The following DENND1A variants were observed in gnomAD, a reference collection of about 807,000 sequenced individuals.
DENND1A encodes DENN domain containing 1A, also known as DENN domain-containing protein 1A.
Under a neutral mutation model 113.7 loss-of-function variants are expected in DENND1A, and 51 were observed. The ratio of observed to expected loss-of-function variants is 0.45; its 90% CI spans 0.36 to 0.57. The LOEUF is 0.57. Among genes scored for constraint, DENND1A ranks in the 20% least tolerant of loss-of-function variants. DENND1A has a pLI of 0.00. For synonymous variants in DENND1A, 565 were observed against 570.8 expected (o/e 0.99, Z 0.14); for missense variants, 1,258 against 1,395.9 (o/e 0.90, Z 1.57).
At chr9:123,690,358 G>C (rs1048290988) in intron 5 of DENND1A, among the ~76,000 whole-genome samples, 4 of 151,564 alleles carry the variant, frequency 2.6e-5, no homozygotes, top group Admixed American at 2.0e-4. Flanking sequence ...TAAAATTTAA[G>C]AAAAAAAAGT....
intron 18 of DENND1A, among the ~76,000 whole-genome samples, chr9:123,445,119 TGAG>T (rs983544251): frequency 6.6e-6 from 1 of 152,204 alleles, no homozygotes; most frequent in Non-Finnish European, 1.5e-5. Context: ...TCCAGCCCTC[TGAG>T]AAGAAGGCAG....
intron 12 of DENND1A, among the ~76,000 whole-genome samples, chr9:123,568,401 G>A (rs1215881791): frequency 6.6e-6 from 1 of 152,168 alleles, no homozygotes; most frequent in Non-Finnish European, 1.5e-5. Context: ...ACAGTGCCTG[G>A]CACACTGTAG....
chr9:123,871,443 T>G (rs1846598881), intron 2 of DENND1A, among the ~76,000 whole-genome samples: 1 of 152,214 alleles, frequency 6.6e-6, no homozygotes, highest in Non-Finnish European at 1.5e-5. Context: ...GTATCCATTG[T>G]GATCACAGAT....
chr9:123,754,132 G>C (rs760167510), intron 5 of DENND1A, among the ~76,000 whole-genome samples: 9 of 152,194 alleles, frequency 5.9e-5, no homozygotes, highest in Non-Finnish European at 1.2e-4. Flanking sequence ...TGTGAAGGGT[G>C]ATTGGACCTC....
At chr9:123,838,066 C>A (rs1841300815) in intron 2 of DENND1A, among the ~76,000 whole-genome samples, 1 of 152,158 alleles carries the variant, frequency 6.6e-6, no homozygotes, top group East Asian at 1.9e-4. Flanking sequence ...TGATGCAAAA[C>A]CTTGTTCCAA....
intron 8 of DENND1A, among the ~76,000 whole-genome samples, chr9:123,665,945 C>G (rs183501801): frequency 2.0e-5 from 3 of 152,274 alleles, no homozygotes; most frequent in Admixed American, 2.0e-4. Context: ...AGTGAAATAA[C>G]TCAGAACAAA....
intron 1 of DENND1A, among the ~76,000 whole-genome samples, chr9:123,881,249 G>A (rs1018194261): frequency 6.6e-6 from 1 of 152,028 alleles, no homozygotes; most frequent in Non-Finnish European, 1.5e-5. Flanking sequence ...CCTGCAAGAG[G>A]GTACAAAATG....
chr9:123,519,267 G>T (rs1396825663), intron 13 of DENND1A, among the ~76,000 whole-genome samples: 1 of 152,146 alleles, frequency 6.6e-6, no homozygotes, highest in Non-Finnish European at 1.5e-5. Flanking sequence ...TAAGCTCCTT[G>T]AAGGAGGGGA....
chr9:123,433,169 C>G (rs911972285), intron 19 of DENND1A, among the ~76,000 whole-genome samples: 3 of 152,206 alleles, frequency 2.0e-5, no homozygotes, highest in African/African-American at 7.2e-5. Flanking sequence ...CTTATAGCAA[C>G]CTATGACGTG....
At chr9:123,516,914 A>AAAAAAAAAAAAAAAC (rs2053973267) in intron 13 of DENND1A, among the ~76,000 whole-genome samples, 1 of 145,642 alleles carries the variant, frequency 6.9e-6, no homozygotes, top group Non-Finnish European at 1.5e-5. Context: ...AAAAAAAAAA[A>AAAAAAAAAAAAAAAC]AAAAAGAACG....
intron 5 of DENND1A, among the ~76,000 whole-genome samples, chr9:123,684,213 G>C (rs189413430): frequency 2.6e-5 from 4 of 152,192 alleles, no homozygotes; most frequent in Non-Finnish European, 2.9e-5. Flanking sequence ...AAGCACACGT[G>C]AACCCTTAAA....
At chr9:123,799,468 A>G (rs1016589195) in intron 2 of DENND1A, among the ~76,000 whole-genome samples, 29 of 152,140 alleles carry the variant, frequency 1.9e-4, no homozygotes, top group Non-Finnish European at 2.9e-5. Flanking sequence ...AGCAGGTACC[A>G]TGGGGCTTGG....
At chr9:123,782,360 C>G (rs1302644664) in intron 3 of DENND1A, among the ~76,000 whole-genome samples, 1 of 152,204 alleles carries the variant, frequency 6.6e-6, no homozygotes, top group Non-Finnish European at 1.5e-5. Context: ...GAATCATAAA[C>G]ACATCTGGTT....
At chr9:123,445,292 AG>A (rs1214749609) in intron 18 of DENND1A, among the ~76,000 whole-genome samples, 2 of 152,194 alleles carry the variant, frequency 1.3e-5, no homozygotes, top group Non-Finnish European at 2.9e-5. Context: ...CAGTGATGAA[AG>A]AGTAGAGCCC....
chr9:123,841,694 A>C (rs1403021305), intron 2 of DENND1A, among the ~76,000 whole-genome samples: 1 of 152,190 alleles, frequency 6.6e-6, no homozygotes, highest in Non-Finnish European at 1.5e-5. Context: ...TGAGACCTGA[A>C]GGAATTGGTG....
chr9:123,520,427 T>A (rs2054303581), intron 13 of DENND1A, among the ~76,000 whole-genome samples: 1 of 152,204 alleles, frequency 6.6e-6, no homozygotes, highest in African/African-American at 2.4e-5. Context: ...CACTACAGCC[T>A]GGCCAACAAC....
chr9:123,853,390 G>A (rs1311155957), intron 2 of DENND1A, among the ~76,000 whole-genome samples: 2 of 151,748 alleles, frequency 1.3e-5, no homozygotes, highest in Non-Finnish European at 2.9e-5. Context: ...TAGGCCGGGC[G>A]TGGTGGCTCA....
chr9:123,750,547 C>T (rs1398017454), intron 5 of DENND1A, among the ~76,000 whole-genome samples: 3 of 152,198 alleles, frequency 2.0e-5, no homozygotes, highest in African/African-American at 7.2e-5. Flanking sequence ...GACCCACAGT[C>T]GGTGAAATTA....
rs187455894 is a variant in DENND1A at position 123,918,222 on chromosome 9, C to T, written c.17+11667G>A. On this transcript the variant is annotated intron_variant, in intron 1 of 23. Transcript: ENST00000394215. ...CCACTGGACAGGCCGGGCGTGGTGG[C>T]TCATGCCTGTAATTCCAGCACTTTG... Among the ~76,000 whole-genome samples, 561 of 151,312 alleles carry T rather than the reference C, an allele frequency of 3.7e-3. 6 individuals are homozygous for T. The highest frequency in any genetic ancestry group is 9.2e-3 in the Admixed American group (139 of 15,166).
Sources: gnomAD v4.1 joint callset for allele counts (sites outside exome capture counted in the v4.1 genomes callset) on GRCh38, gnomAD v4.1.1 for gene constraint, MANE v1.5 for transcripts, NCBI Gene and HGNC (gene_info 2026-07-23, HGNC 2026-07-21) for gene names.